KICS2: variants seen among roughly 807,000 people sequenced by gnomAD.
KICS2 encodes KICSTOR complex protein C12orf66.
KICS2 carries 13 observed loss-of-function variants against 31.4 expected under a neutral mutation model. The observed-to-expected ratio is 0.41, with a 90% confidence interval of 0.27 to 0.66. The LOEUF (loss-of-function observed/expected upper bound fraction) is 0.66, where lower values mean the gene tolerates loss of function less well. KICS2 is among the 30% of genes least tolerant of loss of function. The pLI is 0.28. For synonymous variants in KICS2, 209 were observed against 214.8 expected (o/e 0.97, Z 0.24); for missense variants, 455 against 545.4 (o/e 0.83, Z 1.65).
chr12:64,187,589 T>C, downstream of KICS2: 1 of 1,521,426 alleles, frequency 6.6e-7, no homozygotes, highest in Non-Finnish European at 8.8e-7. Context: ...TCATTTCCTC[T>C]GGAGAAGCAG....
At chr12:64,188,641 A>C (rs1227170843), downstream of KICS2, among the ~76,000 whole-genome samples, 1 of 152,116 alleles carries the variant, frequency 6.6e-6, no homozygotes, top group Non-Finnish European at 1.5e-5. Context: ...AATAATCAAC[A>C]GTAATTAAGA....
chr12:64,204,549 G>T (rs2037519576), intron 2 of KICS2, among the ~76,000 whole-genome samples: 1 of 152,160 alleles, frequency 6.6e-6, no homozygotes, highest in Admixed American at 6.5e-5. Flanking sequence ...ACTTTGGGAG[G>T]CCAAAGCAGG....
chr12:64,194,936 A>T (rs1030133506), intron 2 of KICS2, among the ~76,000 whole-genome samples: 4 of 149,552 alleles, frequency 2.7e-5, no homozygotes, highest in Non-Finnish European at 5.9e-5. Flanking sequence ...GCTACAATTC[A>T]TTTTTTTTTT....
chr12:64,216,517 C>T (rs2037630171), intron 1 of KICS2, among the ~76,000 whole-genome samples: 4 of 152,102 alleles, frequency 2.6e-5, no homozygotes, highest in Admixed American at 2.6e-4. Context: ...AAATTGAATA[C>T]ATACACATAT....
intron 2 of KICS2, among the ~76,000 whole-genome samples, chr12:64,205,328 G>A (rs1264316607): frequency 1.3e-5 from 2 of 152,156 alleles, no homozygotes; most frequent in African/African-American, 4.8e-5. Flanking sequence ...TGTGAATGTT[G>A]AAGCTATTTT....
At chr12:64,207,931 C>T (rs2037554044) in intron 2 of KICS2, among the ~76,000 whole-genome samples, 1 of 152,192 alleles carries the variant, frequency 6.6e-6, no homozygotes, top group Non-Finnish European at 1.5e-5. Flanking sequence ...TTATGAGGAA[C>T]ATATTGAGTA....
At chr12:64,219,307 G>A (rs1246905104) in intron 1 of KICS2, among the ~76,000 whole-genome samples, 1 of 152,154 alleles carries the variant, frequency 6.6e-6, no homozygotes, top group African/African-American at 2.4e-5. Context: ...AGAAAAGTAT[G>A]ACCTTCTAAA....
At chr12:64,204,154 A>G (rs928496506) in intron 2 of KICS2, among the ~76,000 whole-genome samples, 1 of 152,266 alleles carries the variant, frequency 6.6e-6, no homozygotes, top group Non-Finnish European at 1.5e-5. Flanking sequence ...GGAGCTGAAC[A>G]ATGAGAACAC....
chr12:64,217,572 G>A (rs2037640588), intron 1 of KICS2, among the ~76,000 whole-genome samples: 1 of 152,136 alleles, frequency 6.6e-6, no homozygotes, highest in Non-Finnish European at 1.5e-5. Flanking sequence ...GCTGAGGCGG[G>A]AGGATCACCC....
Position 64,194,585 on chromosome 12 carries a change from T to G in KICS2, c.595A>C (p.Lys199Gln), listed in dbSNP as rs2037414950. ...CACTCTGAGACCTGGGCCTGGGCTT[T>G]CAGGAGATGACACAGGACGTCAACT... ...LEVDVLCHLLKAQAQVSEWKF... is the reference protein window; with the variant it reads ...LEVDVLCHLLQAQAQVSEWKF... Residue 199 changes from lysine to glutamine, a missense_variant, in exon 3 of 3, where the codon AAA (lysine) becomes CAA (glutamine). Physicochemically the swap from Lys to Gln is moderately conservative, Grantham distance 53. Coordinates refer to ENST00000398055, the MANE Select transcript of KICS2 (RefSeq NM_152440.5). 3 of 1,614,134 alleles carry G rather than the reference T, an allele frequency of 1.9e-6. No homozygotes were observed. The highest frequency in any genetic ancestry group is 2.5e-6 in the Non-Finnish European group (3 of 1,180,044).
rs546297395 is a variant in KICS2 at position 64,192,937 on chromosome 12, T to C, written c.*905A>G. 3 of 985,470 alleles carry C rather than the reference T, an allele frequency of 3.0e-6. No individual in the cohort carries two copies. In the East Asian group the frequency reaches 3.4e-4, roughly 112 times the overall value. The allele number at this position is 985,470 out of a possible 1,614,324, so 61.0% of individuals were successfully genotyped here. A position where few individuals can be genotyped will look rare whatever the true frequency, so the allele number is the denominator to read the frequency against. Reference sequence around the variant, plus strand: ...TATGAAGACCTTCATTTTGATTTTATAAAAGTAGGCTATGTTGCATGAGTA... The same window carrying C: ...TATGAAGACCTTCATTTTGATTTTACAAAAGTAGGCTATGTTGCATGAGTA... On this transcript the variant is annotated 3_prime_UTR_variant, in exon 3 of 3. Transcript: ENST00000398055.
At chr12:64,215,190 T>C (rs576680890) in intron 2 of KICS2, among the ~76,000 whole-genome samples, 55 of 151,328 alleles carry the variant, frequency 3.6e-4, no homozygotes, top group Admixed American at 1.3e-4. Flanking sequence ...CGTGTACCTA[T>C]AATCCCAGCT....
At chr12:64,213,073 G>A (rs2037597360) in intron 2 of KICS2, among the ~76,000 whole-genome samples, 1 of 143,872 alleles carries the variant, frequency 7.0e-6, no homozygotes, top group Non-Finnish European at 1.5e-5. Context: ...CTGGGCAACA[G>A]AGCGAGACAA....
At chr12:64,213,101 A>AAG (rs2037598629) in intron 2 of KICS2, among the ~76,000 whole-genome samples, 3 of 146,876 alleles carry the variant, frequency 2.0e-5, no homozygotes, top group Admixed American at 6.8e-5. Flanking sequence ...AAAAAAAAAA[A>AAG]AAAAGAAAAG....
chr12:64,207,267 G>C (rs935165609), intron 2 of KICS2, among the ~76,000 whole-genome samples: 20 of 122,074 alleles, frequency 1.6e-4, no homozygotes, highest in Non-Finnish European at 2.7e-4. Flanking sequence ...TCAGGCCACT[G>C]CATTCTAGCC....
chr12:64,191,634 TG>T lies in KICS2; in HGVS notation c.*2207del, dbSNP rs1436897782. On this transcript the variant is annotated 3_prime_UTR_variant, in exon 3 of 3. Coordinates refer to ENST00000398055, the MANE Select transcript of KICS2 (RefSeq NM_152440.5). Reference sequence around the variant, plus strand: ...AGTGATTTGACTTTTTAGCTCCAATTGCTTTCAATTTCTTAGGTAAGGTCAA... The same window carrying T: ...AGTGATTTGACTTTTTAGCTCCAATTCTTTCAATTTCTTAGGTAAGGTCAA... The T allele has an allele frequency of 6.6e-6, 1 of 152,218 alleles. No individual in the cohort carries two copies. Among genetic ancestry groups the T allele is most frequent in the Admixed American group, 6.5e-5 (1 of 15,280 alleles). 9.4% of individuals were successfully genotyped at this position (152,218 alleles called of 1,614,324 possible). A position where few individuals can be genotyped will look rare whatever the true frequency, so the allele number is the denominator to read the frequency against.
downstream of KICS2, among the ~76,000 whole-genome samples, chr12:64,189,453 T>C (rs932122334): frequency 3.3e-5 from 5 of 151,912 alleles, no homozygotes; most frequent in African/African-American, 1.2e-4. Flanking sequence ...TAACTTCCAA[T>C]ATAAAGGGGG....
chr12:64,195,106 G>C (rs1299452964), intron 2 of KICS2, among the ~76,000 whole-genome samples: 1 of 152,050 alleles, frequency 6.6e-6, no homozygotes, highest in Non-Finnish European at 1.5e-5. Context: ...ATTTTCTGTA[G>C]AGACAAGGTC....
rs1366779452 is a variant in KICS2 at position 64,192,040 on chromosome 12, G to A, written c.*1802C>T. The A allele has an allele frequency of 4.5e-5, 4 of 89,056 alleles. No individual in the cohort carries two copies. The highest frequency in any genetic ancestry group is 8.0e-5 in the Non-Finnish European group (4 of 49,704). The allele number at this position is 89,056 out of a possible 1,614,324, so 5.5% of individuals were successfully genotyped here. A position where few individuals can be genotyped will look rare whatever the true frequency, so the allele number is the denominator to read the frequency against. The stretch of plus-strand genomic sequence containing the variant: ...CAGCCTGGAAAACAGACAAGACCCT[G>A]TCTCAAAAAAAAAAAAAAAAAAAAA... On this transcript the variant is annotated 3_prime_UTR_variant, in exon 3 of 3. Coordinates refer to ENST00000398055, the MANE Select transcript of KICS2 (RefSeq NM_152440.5).
Sources: gnomAD v4.1 joint callset for allele counts (sites outside exome capture counted in the v4.1 genomes callset) on GRCh38, gnomAD v4.1.1 for gene constraint, MANE v1.5 for transcripts, NCBI Gene and HGNC (gene_info 2026-07-23, HGNC 2026-07-21) for gene names.